Variants in SH3RF2 observed in about 807,000 individuals in gnomAD.
SH3RF2 encodes E3 ubiquitin-protein ligase SH3RF2.
A neutral mutation model predicts 59.0 loss-of-function variants in SH3RF2; 43 were observed. The observed-to-expected ratio is 0.73, with a 90% CI of 0.57 to 0.94. The LOEUF is 0.94. Among genes scored for constraint, SH3RF2 ranks in the 40% least tolerant of loss-of-function variants. SH3RF2 has a pLI of 0.00. For missense variants in SH3RF2, 930 were observed against 940.1 expected, an observed-to-expected ratio of 0.99 and a Z score of 0.14; for synonymous variants, 391 against 391.5, an observed-to-expected ratio of 1.00 and a Z score of 0.01.
chr5:145,937,681 G>A (rs1561698367), intron 1 of SH3RF2, 142 bp from the exon 2 acceptor site: 1 of 526,484 alleles, frequency 1.9e-6, no homozygotes, highest in Non-Finnish European at 3.4e-6. Context: ...TGCTAGCATT[G>A]AATCAGAATG....
chr5:146,065,603 T>C (rs972741203), downstream of SH3RF2, among the ~76,000 whole-genome samples: 2 of 152,228 alleles, frequency 1.3e-5, no homozygotes, highest in African/African-American at 4.8e-5. Context: ...CTCTTTGGGA[T>C]AACCTCTCTG....
intron 6 of SH3RF2, 146 bp from the exon 7 acceptor site, chr5:146,048,929 T>G: frequency 1.1e-6 from 1 of 874,574 alleles, no homozygotes; most frequent in Non-Finnish European, 1.8e-6. Context: ...ACTGCTGGGA[T>G]TAGAGGTGAG....
intron 2 of SH3RF2, among the ~76,000 whole-genome samples, chr5:145,953,935 C>T (rs1401090732): frequency 6.6e-6 from 1 of 152,146 alleles, no homozygotes; most frequent in Non-Finnish European, 1.5e-5. Context: ...ATATATATCA[C>T]ATTTTCTTTA....
intron 9 of SH3RF2, among the ~76,000 whole-genome samples, chr5:146,071,435 C>T (rs540547322): frequency 6.6e-6 from 1 of 152,322 alleles, no homozygotes; most frequent in Admixed American, 6.5e-5. Context: ...GAAGGGAAGG[C>T]TAATTTTAGA....
chr5:145,959,452 C>T (rs957726435), intron 2 of SH3RF2, among the ~76,000 whole-genome samples: 7 of 152,036 alleles, frequency 4.6e-5, no homozygotes, highest in African/African-American at 1.5e-4. Flanking sequence ...AGACTAAGAG[C>T]CTATAAGGAC....
chr5:145,955,306 G>T (rs754006189), intron 2 of SH3RF2, among the ~76,000 whole-genome samples: 1 of 152,100 alleles, frequency 6.6e-6, no homozygotes, highest in Non-Finnish European at 1.5e-5. Context: ...TCCAGGAACC[G>T]AAAACCAAAT....
At chr5:145,977,764 T>C (rs925840426) in intron 2 of SH3RF2, among the ~76,000 whole-genome samples, 19 of 152,220 alleles carry the variant, frequency 1.2e-4, no homozygotes, top group Admixed American at 1.2e-3. Context: ...CAGCTTGAGA[T>C]AGGCTCTAAT....
rs375162590 is a variant in SH3RF2, at chr5:146,004,029, A to C, written c.649-29A>C. On this transcript the variant is annotated intron_variant, in intron 3 of 9. Transcript: ENST00000359120. Reference sequence around the variant, plus strand: ...CTTTTACTGCCTGAAAATGAGAGTAAATGCTGACCATGAGACTTTCTCTTT... The same window carrying C: ...CTTTTACTGCCTGAAAATGAGAGTACATGCTGACCATGAGACTTTCTCTTT... 11 of 1,597,898 alleles carry C rather than the reference A, an allele frequency of 6.9e-6. No individual in the cohort carries two copies. In the African/African-American group the frequency reaches 1.5e-4, roughly 21 times the overall value.
At chr5:146,057,928 G>GTCTCTCTCTCTCTCTCTCTC (rs58826823) in intron 8 of SH3RF2, among the ~76,000 whole-genome samples, 25 of 133,222 alleles carry the variant, frequency 1.9e-4, no homozygotes, top group African/African-American at 4.2e-4. Context: ...GGCTGTTAGT[G>GTCTCTCTCTCTCTCTCTCTC]TCTCTCTCTC....
intron 2 of SH3RF2, among the ~76,000 whole-genome samples, chr5:145,993,599 G>A (rs186654880): frequency 6.6e-6 from 1 of 152,354 alleles, no homozygotes; most frequent in East Asian, 1.9e-4. Flanking sequence ...GCCAAGGCTT[G>A]AGGCTTGCAC....
intron 2 of SH3RF2, among the ~76,000 whole-genome samples, chr5:145,996,400 G>A (rs930775005): frequency 2.0e-5 from 3 of 152,236 alleles, no homozygotes; most frequent in Admixed American, 1.3e-4. Flanking sequence ...AGCAGACTTC[G>A]AGCAAGACTG....
intron 2 of SH3RF2, among the ~76,000 whole-genome samples, chr5:145,959,440 C>A (rs1758540650): frequency 6.6e-6 from 1 of 151,940 alleles, no homozygotes; most frequent in Non-Finnish European, 1.5e-5. Context: ...AGAGTAAGAG[C>A]CAGACTAAGA....
At chr5:145,981,013 A>G (rs1437100811) in intron 2 of SH3RF2, among the ~76,000 whole-genome samples, 1 of 152,196 alleles carries the variant, frequency 6.6e-6, no homozygotes. Context: ...ATTTTTTAGC[A>G]TAACCTCAAC....
intron 5 of SH3RF2, among the ~76,000 whole-genome samples, chr5:146,033,451 CTTTTTTTTTTTTTTTTTT>C (rs558717056): frequency 0.026 from 1,901 of 71,858 alleles, 64 homozygotes; most frequent in Non-Finnish European, 0.035. Context: ...TAGCCCTTAG[CTTTTTTTTTTTTTTTTTT>C]TTTTTTTTTT....
intron 5 of SH3RF2, among the ~76,000 whole-genome samples, chr5:146,035,464 C>T (rs1383991034): frequency 8.1e-6 from 1 of 122,888 alleles, no homozygotes; most frequent in Non-Finnish European, 1.9e-5. Flanking sequence ...AAAAAGCGTC[C>T]CTAAACCAGA....
chr5:145,980,993 T>C (rs987230669), intron 2 of SH3RF2, among the ~76,000 whole-genome samples: 6 of 152,152 alleles, frequency 3.9e-5, no homozygotes, highest in African/African-American at 1.2e-4. Flanking sequence ...CTCTAGAAAA[T>C]GAAGATTCTA....
chr5:146,067,034 C>A (rs1268305565), downstream of SH3RF2, among the ~76,000 whole-genome samples: 2 of 152,138 alleles, frequency 1.3e-5, no homozygotes, highest in Non-Finnish European at 2.9e-5. Flanking sequence ...AGGAAATGGT[C>A]CCATTGAGCA....
chr5:146,026,027 T>C (rs1326052283), intron 5 of SH3RF2, among the ~76,000 whole-genome samples: 2 of 152,170 alleles, frequency 1.3e-5, no homozygotes, highest in Non-Finnish European at 2.9e-5. Context: ...GGGAGAACCC[T>C]GAATTAACAC....
intron 9 of SH3RF2, among the ~76,000 whole-genome samples, chr5:146,060,442 TTA>T (rs1354375516): frequency 6.6e-6 from 1 of 152,180 alleles, no homozygotes; most frequent in African/African-American, 2.4e-5. Flanking sequence ...TGATTCGCCT[TTA>T]TGTTTCCTGA....
Sources: allele counts gnomAD v4.1 joint callset (sites outside exome capture counted in the v4.1 genomes callset), GRCh38; gene constraint gnomAD v4.1.1; transcripts MANE v1.5; gene names NCBI Gene and HGNC (gene_info 2026-07-23, HGNC 2026-07-21).